TAFA1: variants seen among roughly 807,000 people sequenced by gnomAD.
TAFA1 encodes the protein TAFA chemokine like family member 1.
A neutral mutation model predicts 18.5 loss-of-function variants in TAFA1; 4 were observed. That is an observed-to-expected ratio of 0.22 (90% confidence interval 0.11 to 0.49). The LOEUF (loss-of-function observed/expected upper bound fraction) is 0.49, where lower values mean the gene tolerates loss of function less well. TAFA1 is among the 20% of genes least tolerant of loss of function. The pLI, the probability that TAFA1 is intolerant of heterozygous loss-of-function variation, is 0.98. For synonymous variants in TAFA1, 56 were observed against 55.2 expected (o/e 1.01, Z -0.06); for missense variants, 147 against 169.0 (o/e 0.87, Z 0.72).
At chr3:68,215,576 A>T (rs2066647856) in intron 2 of TAFA1, among the ~76,000 whole-genome samples, 1 of 152,072 alleles carries the variant, frequency 6.6e-6, no homozygotes, top group Non-Finnish European at 1.5e-5. Flanking sequence ...AAGACAAGCC[A>T]TGACTGGGGA....
intron 3 of TAFA1, among the ~76,000 whole-genome samples, chr3:68,474,990 T>TAA: frequency 6.6e-6 from 1 of 152,066 alleles, no homozygotes; most frequent in Admixed American, 6.6e-5. Context: ...GCTGAACTGA[T>TAA]TAGCTAAGAT....
At chr3:68,417,541 G>T in intron 3 of TAFA1, 121 bp downstream of exon 3, 1 of 915,144 alleles carries the variant, frequency 1.1e-6, no homozygotes, top group Non-Finnish European at 1.6e-6. Context: ...GTGTTAGAAA[G>T]TTATACAATT....
At chr3:68,499,449 T>TTTC (rs1553697725) in intron 3 of TAFA1, among the ~76,000 whole-genome samples, 1 of 147,358 alleles carries the variant, frequency 6.8e-6, no homozygotes, top group East Asian at 2.0e-4. Flanking sequence ...TTCCTTTCTT[T>TTTC]TTTTTTTTTT....
At chr3:68,356,552 C>T (rs984796560) in intron 2 of TAFA1, among the ~76,000 whole-genome samples, 1 of 151,766 alleles carries the variant, frequency 6.6e-6, no homozygotes, top group Non-Finnish European at 1.5e-5. Flanking sequence ...AGCACTTAAC[C>T]GTGTACTGGG....
At chr3:68,542,039 A>T (rs573283990) in intron 4 of TAFA1, among the ~76,000 whole-genome samples, 17 of 152,182 alleles carry the variant, frequency 1.1e-4, no homozygotes, top group Non-Finnish European at 2.2e-4. Flanking sequence ...AAACCTCAGG[A>T]ACAATGGATC....
At chr3:68,076,177 G>A (rs145355243) in intron 2 of TAFA1, among the ~76,000 whole-genome samples, 38 of 152,234 alleles carry the variant, frequency 2.5e-4, no homozygotes, top group African/African-American at 9.1e-4. Context: ...GTTTTTACTT[G>A]TGGTGTAGTG....
chr3:68,271,841 C>A (rs2067681596), intron 2 of TAFA1, among the ~76,000 whole-genome samples: 1 of 127,580 alleles, frequency 7.8e-6, no homozygotes, highest in Non-Finnish European at 1.7e-5. Flanking sequence ...CTCTCTCACA[C>A]ACACACACAC....
At chr3:67,997,213 A>G in the TAFA1 span, among the ~76,000 whole-genome samples, 1 of 152,242 alleles carries the variant, frequency 6.6e-6, no homozygotes, top group Non-Finnish European at 1.5e-5. Flanking sequence ...TACAATTCTG[A>G]GCAAAATCTT....
At chr3:68,429,330 C>T (rs2071121130) in intron 3 of TAFA1, among the ~76,000 whole-genome samples, 1 of 151,926 alleles carries the variant, frequency 6.6e-6, no homozygotes, top group South Asian at 2.1e-4. Flanking sequence ...GAATTTATTA[C>T]TTATATCATC....
At chr3:68,396,693 G>C (rs536883880) in intron 2 of TAFA1, among the ~76,000 whole-genome samples, 1 of 152,116 alleles carries the variant, frequency 6.6e-6, no homozygotes, top group Non-Finnish European at 1.5e-5. Context: ...TTCTTCAATG[G>C]ATGTATTTGT....
rs371416547 is a variant in TAFA1 at position 68,156,216 on chromosome 3, A to G, written c.118+149472A>G. ...CAGCATCCCAAATAAGGTCTGGAGA[A>G]AGGGACAGACTCTTAAACCAGCAGT... On this transcript the variant is annotated intron_variant, in intron 2 of 4. Coordinates refer to ENST00000478136, the MANE Select transcript of TAFA1 (RefSeq NM_213609.4). Among the ~76,000 whole-genome samples the G allele has an allele frequency of 2.0e-5, 3 of 152,318 alleles. No individual in the cohort carries two copies. In the East Asian group the frequency reaches 5.8e-4, roughly 29 times the overall value.
intron 2 of TAFA1, among the ~76,000 whole-genome samples, chr3:68,340,608 C>T (rs927052684): frequency 3.3e-5 from 5 of 150,152 alleles, no homozygotes; most frequent in Non-Finnish European, 5.9e-5. Flanking sequence ...ATTTTCCTCT[C>T]CCATTTTTTT....
At chr3:68,333,736 T>G (rs1321969674) in intron 2 of TAFA1, among the ~76,000 whole-genome samples, 3 of 152,182 alleles carry the variant, frequency 2.0e-5, no homozygotes, top group Non-Finnish European at 1.5e-5. Context: ...CCATGTTCAT[T>G]GCAGCATTAT....
intron 3 of TAFA1, among the ~76,000 whole-genome samples, chr3:68,514,555 G>GTTTTCATT (rs2072894020): frequency 6.6e-6 from 1 of 151,992 alleles, no homozygotes; most frequent in South Asian, 2.1e-4. Context: ...TGAAATATAA[G>GTTTTCATT]GCCAAGGCAA....
intron 3 of TAFA1, among the ~76,000 whole-genome samples, chr3:68,455,195 A>T (rs1477741850): frequency 6.6e-6 from 1 of 152,048 alleles, no homozygotes; most frequent in Non-Finnish European, 1.5e-5. Context: ...TCATCTTCAT[A>T]TTGACTAGGC....
Position 68,499,453 on chromosome 3 carries a change from T to TC in TAFA1, c.260-39303_260-39302insC, listed in dbSNP as rs1293142020. ...TTCTTTCTGTGTTCCTTTCTTTTTT[T>TC]TTTTTTTTTTTGAGAAGACATGCTA... On this transcript the variant is annotated intron_variant, in intron 3 of 4. Transcript: ENST00000478136. Among the ~76,000 whole-genome samples, 342 of 149,500 alleles carry TC rather than the reference T, an allele frequency of 2.3e-3. 1 individual carries two copies. Among genetic ancestry groups the TC allele is most frequent in the African/African-American group, 7.0e-3 (287 of 41,076 alleles).
At chr3:68,169,944 C>G (rs1015849670) in intron 2 of TAFA1, among the ~76,000 whole-genome samples, 1 of 152,110 alleles carries the variant, frequency 6.6e-6, no homozygotes, top group Admixed American at 6.6e-5. Flanking sequence ...TCAAGAAACC[C>G]TTGCAGAATG....
At chr3:68,310,686 A>T (rs1394112727) in intron 2 of TAFA1, among the ~76,000 whole-genome samples, 1 of 152,228 alleles carries the variant, frequency 6.6e-6, no homozygotes, top group African/African-American at 2.4e-5. Flanking sequence ...GATAATTTCT[A>T]TGATCAATAT....
At chr3:68,498,722 CTTTTTTTTTTTTTTTTT>C (rs34030223) in intron 3 of TAFA1, among the ~76,000 whole-genome samples, 23,491 of 97,204 alleles carry the variant, frequency 0.24, 2,495 homozygotes, top group Admixed American at 0.29. Context: ...CGTTTGGTGG[CTTTTTTTTTTTTTTTTT>C]TTTTTTTTTT....
Sources: allele counts gnomAD v4.1 joint callset (sites outside exome capture counted in the v4.1 genomes callset), GRCh38; gene constraint gnomAD v4.1.1; transcripts MANE v1.5; gene names NCBI Gene and HGNC (gene_info 2026-07-23, HGNC 2026-07-21).